Variants in LRRC4C observed in about 807,000 individuals in gnomAD.
LRRC4C encodes leucine rich repeat containing 4C.
A neutral mutation model predicts 33.6 loss-of-function variants in LRRC4C; 5 were observed. The ratio of observed to expected loss-of-function variants is 0.15; its 90% CI spans 0.08 to 0.31. The LOEUF is 0.31. Among genes scored for constraint, LRRC4C ranks in the 10% least tolerant of loss-of-function variants. LRRC4C has a pLI of 1.00. For missense variants in LRRC4C, 560 were observed against 796.7 expected (o/e 0.70, Z 3.58); for synonymous variants, 329 against 302.0 (o/e 1.09, Z -0.93).
intron 2 of LRRC4C, among the ~76,000 whole-genome samples, chr11:40,751,476 G>A (rs1406855768): frequency 6.6e-6 from 1 of 151,946 alleles, no homozygotes; most frequent in Non-Finnish European, 1.5e-5. Flanking sequence ...TAATGAAATA[G>A]CTATAAAATA....
chr11:41,256,609 C>T (rs1219958142), intron 1 of LRRC4C, among the ~76,000 whole-genome samples: 1 of 151,940 alleles, frequency 6.6e-6, no homozygotes, highest in Non-Finnish European at 1.5e-5. Flanking sequence ...CCACACAGAT[C>T]AACTCATATG....
At chr11:40,556,522 G>T (rs576796925) in intron 3 of LRRC4C, among the ~76,000 whole-genome samples, 2 of 152,300 alleles carry the variant, frequency 1.3e-5, no homozygotes, top group South Asian at 4.1e-4. Flanking sequence ...GTGAAAGTAG[G>T]TCTTCTACAT....
chr11:40,657,677 T>C (rs1276735973), intron 2 of LRRC4C, among the ~76,000 whole-genome samples: 1 of 152,238 alleles, frequency 6.6e-6, no homozygotes, highest in East Asian at 1.9e-4. Flanking sequence ...CAAGCCAATG[T>C]ACTTCTTACA....
At chr11:40,858,378 A>G (rs956338890) in intron 2 of LRRC4C, among the ~76,000 whole-genome samples, 14 of 152,114 alleles carry the variant, frequency 9.2e-5, no homozygotes, top group South Asian at 4.1e-4. Context: ...AGTCTAATGT[A>G]TTTCCTAAGA....
intron 1 of LRRC4C, among the ~76,000 whole-genome samples, chr11:41,197,835 G>T (rs1946245024): frequency 6.6e-6 from 1 of 151,898 alleles, no homozygotes; most frequent in South Asian, 2.1e-4. Flanking sequence ...ATCATGGAAA[G>T]GTGGTAATAG....
chr11:40,776,274 CTTTTT>C, intron 2 of LRRC4C, among the ~76,000 whole-genome samples: 1 of 148,712 alleles, frequency 6.7e-6, no homozygotes, highest in South Asian at 2.1e-4. Context: ...GGATTTTTCT[CTTTTT>C]TTTTTTGAAT....
intron 2 of LRRC4C, among the ~76,000 whole-genome samples, chr11:40,696,067 G>T (rs1379034394): frequency 2.2e-5 from 3 of 134,810 alleles, no homozygotes; most frequent in African/African-American, 8.4e-5. Flanking sequence ...GTGTATATAT[G>T]AGTGTGTATA....
intron 4 of LRRC4C, among the ~76,000 whole-genome samples, chr11:40,258,213 C>T (rs189759805): frequency 1.1e-4 from 17 of 152,152 alleles, no homozygotes; most frequent in South Asian, 6.2e-4. Flanking sequence ...TTGGTCTTCA[C>T]GTTTGGATTT....
At chr11:40,821,823 AC>A (rs1483314268) in intron 2 of LRRC4C, among the ~76,000 whole-genome samples, 4 of 151,642 alleles carry the variant, frequency 2.6e-5, no homozygotes, top group Non-Finnish European at 4.4e-5. Flanking sequence ...TTAGTGTAAA[AC>A]CTGGTAATAT....
intron 5 of LRRC4C, among the ~76,000 whole-genome samples, chr11:40,172,311 A>T (rs1860111436): frequency 1.3e-5 from 2 of 151,720 alleles, no homozygotes; most frequent in Non-Finnish European, 2.9e-5. Flanking sequence ...AGTCTAAATC[A>T]CTCTCCTAGA....
At chr11:40,813,616 A>G (rs1332557975) in intron 2 of LRRC4C, among the ~76,000 whole-genome samples, 1 of 152,114 alleles carries the variant, frequency 6.6e-6, no homozygotes, top group Non-Finnish European at 1.5e-5. Flanking sequence ...TGCCTTCCCA[A>G]TAGTCCCCAA....
intron 1 of LRRC4C, among the ~76,000 whole-genome samples, chr11:41,277,822 C>T (rs927254476): frequency 6.6e-6 from 1 of 152,028 alleles, no homozygotes; most frequent in African/African-American, 2.4e-5. Flanking sequence ...CTACCAGCTA[C>T]TTGAAATGTT....
intron 3 of LRRC4C, among the ~76,000 whole-genome samples, chr11:40,575,957 T>G (rs1415256051): frequency 6.6e-6 from 1 of 152,220 alleles, no homozygotes; most frequent in Non-Finnish European, 1.5e-5. Context: ...TAAAATTATA[T>G]CTCAATATCA....
At chr11:40,209,606 G>A (rs894052875) in intron 5 of LRRC4C, among the ~76,000 whole-genome samples, 3 of 151,942 alleles carry the variant, frequency 2.0e-5, no homozygotes, top group African/African-American at 4.8e-5. Flanking sequence ...ACACTGGTGC[G>A]ATCTCGGCTC....
At chr11:41,338,217 C>T (rs2137438354) in intron 1 of LRRC4C, among the ~76,000 whole-genome samples, 1 of 152,290 alleles carries the variant, frequency 6.6e-6, no homozygotes, top group Admixed American at 6.5e-5. Context: ...GAATACAAAT[C>T]ATTCTACTAT....
chr11:40,542,066 C>CTTTCTTTCTTTCTT (rs1246013641), intron 3 of LRRC4C, among the ~76,000 whole-genome samples: 1 of 150,412 alleles, frequency 6.6e-6, no homozygotes, highest in East Asian at 2.0e-4. Context: ...TTCTTTCTTT[C>CTTTCTTTCTTTCTT]TCTCTCTCTT....
At chr11:41,059,215 T>TTTTTTTG (rs1858879492) in intron 1 of LRRC4C, among the ~76,000 whole-genome samples, 1 of 149,366 alleles carries the variant, frequency 6.7e-6, no homozygotes, top group African/African-American at 2.4e-5. Flanking sequence ...TAAAAGTTTT[T>TTTTTTTG]TTTTTTTTTT....
rs529530071 is a variant in LRRC4C, at chr11:40,654,676, C to G, written c.-406-6398G>C. The stretch of plus-strand genomic sequence containing the variant: ...TGAACTTTGACTTTTGGGTTAATAC[C>G]GAATTAAGACTTTGGGGGACTGTTG... On this transcript the variant is annotated intron_variant, in intron 2 of 6. Coordinates refer to ENST00000528697, the MANE Select transcript of LRRC4C (RefSeq NM_001258419.2). Among the ~76,000 whole-genome samples, 45 of 152,020 alleles carry G rather than the reference C, an allele frequency of 3.0e-4. No homozygotes were observed. In the South Asian group the frequency reaches 9.4e-3, roughly 32 times the overall value.
chr11:41,094,353 G>C (rs11036229), intron 1 of LRRC4C, among the ~76,000 whole-genome samples: 3 of 151,376 alleles, frequency 2.0e-5, no homozygotes, highest in East Asian at 4.0e-4. Context: ...GTGAAACCCC[G>C]TCTCTACTAA....
Sources: allele counts gnomAD v4.1 joint callset (sites outside exome capture counted in the v4.1 genomes callset), GRCh38; gene constraint gnomAD v4.1.1; transcripts MANE v1.5; gene names NCBI Gene and HGNC (gene_info 2026-07-23, HGNC 2026-07-21).